KIR2DL4: variants seen among roughly 807,000 people sequenced by gnomAD.
KIR2DL4 encodes killer cell immunoglobulin like receptor, two Ig domains and long cytoplasmic tail 4, also known as killer cell immunoglobulin-like receptor 2DL4.
KIR2DL4 carries 41 observed loss-of-function variants against 31.0 expected under a neutral mutation model. The ratio of observed to expected loss-of-function variants is 1.32; its 90% CI spans 1.03 to 1.72. The LOEUF (loss-of-function observed/expected upper bound fraction) is 1.72. Ranked by LOEUF, KIR2DL4 falls within the 40% of genes most tolerant of loss-of-function variation. The pLI is 0.00. For synonymous variants in KIR2DL4, 164 were observed against 133.6 expected (o/e 1.23, Z -1.57); for missense variants, 438 against 353.7 (o/e 1.24, Z -1.91).
In KIR2DL4 at chr19:54,806,641, G is replaced by C. The variant is rs1424166940; in HGVS notation, c.655+397G>C. Among the ~76,000 whole-genome samples, 15 of 151,132 alleles carry C rather than the reference G, an allele frequency of 9.9e-5. 1 individual carries two copies. The highest frequency in any genetic ancestry group is 1.5e-5 in the Non-Finnish European group (1 of 67,922). On this transcript the variant is annotated intron_variant, in intron 4 of 7. Transcript: ENST00000359085. ...ACTTTTTCTTTTCCTTTGAAAAAAT[G>C]CTGATTGAGGTTAAATATACCTATA...
intron 3 of KIR2DL4, 45 bp from the exon 4 acceptor site, chr19:54,805,906 G>A: frequency 6.5e-7 from 1 of 1,534,322 alleles, no homozygotes; most frequent in Non-Finnish European, 8.8e-7. Flanking sequence ...GGGGAGCTGT[G>A]ACAAGGAAGA....
chr19:54,803,790 G>A (rs2060322559), intron 1 of KIR2DL4, 99 bp downstream of exon 1: 2 of 1,564,986 alleles, frequency 1.3e-6, no homozygotes, highest in African/African-American at 1.4e-5. Context: ...AGTGAGTGGT[G>A]AGGATGAGTT....
chr19:54,808,380 G>A (rs1936307443), intron 4 of KIR2DL4, among the ~76,000 whole-genome samples: 4 of 151,336 alleles, frequency 2.6e-5, no homozygotes, highest in Non-Finnish European at 4.4e-5. Flanking sequence ...TTTTGTGTAT[G>A]GTGAGAGGTA....
chr19:54,804,156 C>T lies in KIR2DL4; in HGVS notation c.76+230C>T, dbSNP rs891100233. 1.4e-4 allele frequency among the ~76,000 whole-genome samples: 21 copies of T among 150,120 alleles called. 1 individual carries two copies. Among genetic ancestry groups the T allele is most frequent in the African/African-American group, 5.2e-4 (21 of 40,464 alleles). On this transcript the variant is annotated intron_variant, in intron 2 of 7. Coordinates refer to ENST00000359085, the Ensembl canonical transcript of KIR2DL4. ...TAGTAAGAGGAGATCCTGGTATGCT[C>T]AGCCCTCTGTTTTGTCTTAGCCCTC...
chr19:54,807,520 C>T (rs2060599606), intron 4 of KIR2DL4, among the ~76,000 whole-genome samples: 1 of 150,962 alleles, frequency 6.6e-6, no homozygotes, highest in Admixed American at 6.6e-5. Flanking sequence ...TCACTGCAAC[C>T]TCTACCTCCA....
Position 54,804,909 on chromosome 19 carries a change from A to G in KIR2DL4, c.193A>G (p.Lys65Glu), listed in dbSNP as rs1433721372. 4.3e-6 allele frequency: 7 copies of G among 1,611,878 alleles called. No homozygotes were observed. The Admixed American group carries it at 5.0e-5, about 12-fold the overall frequency. ...GTTTAACATCTTCACGCTGTACAAGAAAGATGGGGTCCCTGTCCCTGAGCT... is the reference window on the plus strand; with the variant it reads ...GTTTAACATCTTCACGCTGTACAAGGAAGATGGGGTCCCTGTCCCTGAGCT... The change falls in exon 3 of 8, where the codon AAA (lysine) becomes GAA (glutamate). Residue 65 changes from lysine (K) to glutamate (E), a missense_variant. Coordinates refer to ENST00000359085, the Ensembl canonical transcript of KIR2DL4.
chr19:54,806,214 C>T (rs1051456), exon 4 of KIR2DL4: 3 of 1,607,124 alleles, frequency 1.9e-6, no homozygotes, highest in African/African-American at 2.7e-5. Flanking sequence ...GTGGTCAGAC[C>T]CGAGTGACCC....
intron 2 of KIR2DL4, among the ~76,000 whole-genome samples, chr19:54,804,377 T>C (rs1246209181): frequency 6.6e-6 from 1 of 151,338 alleles, no homozygotes; most frequent in Non-Finnish European, 1.5e-5. Context: ...CGGTAGGGGC[T>C]GCAGTGTGGC....
intron 5 of KIR2DL4, among the ~76,000 whole-genome samples, chr19:54,811,354 C>G (rs748117006): frequency 6.6e-6 from 1 of 151,050 alleles, no homozygotes; most frequent in South Asian, 2.1e-4. Context: ...GCCAAGATCG[C>G]GTCATTGCAC....
rs1338389023 is a variant in KIR2DL4, at chr19:54,813,756, G to T, written c.*41+14G>T. 2 of 1,611,446 alleles carry T rather than the reference G, an allele frequency of 1.2e-6. No homozygotes were observed. Among genetic ancestry groups the T allele is most frequent in the Non-Finnish European group, 1.7e-6 (2 of 1,179,420 alleles). ...GTGAACAGGGAGGTAGGTCCTCCTA[G>T]CCCAGCCTCATGGATACAGTCTTAT... is the stretch of plus-strand genomic sequence containing the variant. On this transcript the variant is annotated intron_variant, in intron 7 of 7. Coordinates refer to ENST00000359085, the Ensembl canonical transcript of KIR2DL4.
chr19:54,804,006 C>A, intron 2 of KIR2DL4, 80 bp downstream of exon 2: 1 of 1,315,632 alleles, frequency 7.6e-7, no homozygotes, highest in Non-Finnish European at 1.1e-6. Flanking sequence ...GGAGGCAGCA[C>A]AGAGGGTGGG....
intron 3 of KIR2DL4, 61 bp downstream of exon 3, chr19:54,805,138 TG>T: frequency 6.7e-7 from 1 of 1,493,770 alleles, no homozygotes; most frequent in Non-Finnish European, 8.9e-7. Flanking sequence ...GAGCTTCTGG[TG>T]GGGGTGTCCA....
At chr19:54,813,016 G>T in intron 5 of KIR2DL4, 2 of 762,720 alleles carry the variant, frequency 2.6e-6, no homozygotes, top group Non-Finnish European at 4.1e-6. Context: ...GTGGGTGCTT[G>T]TCTTAAAGAG....
chr19:54,814,380 A>ACGTGCTGTTCCACCTTCCCT, exon 8 of KIR2DL4: 1 of 483,542 alleles, frequency 2.1e-6, no homozygotes, highest in Admixed American at 3.6e-5. Flanking sequence ...GCACTTAGAC[A>ACGTGCTGTTCCACCTTCCCT]CGTGCTGTTC....
chr19:54,810,689 A>T (rs608368), intron 5 of KIR2DL4, among the ~76,000 whole-genome samples: 124,573 of 150,580 alleles, frequency 0.83, 52,108 homozygotes, highest in East Asian at 0.94. Flanking sequence ...CAGAGAGCAC[A>T]CTGGGTACAC....
rs145370691 is a variant in KIR2DL4 at position 54,810,298 on chromosome 19, A to ATT, written c.706+1423_706+1424dup. Among the ~76,000 whole-genome samples the ATT allele has an allele frequency of 6.7e-5, 10 of 148,320 alleles. 1 individual carries two copies. Among genetic ancestry groups the ATT allele is most frequent in the Non-Finnish European group, 1.2e-4 (8 of 67,184 alleles). On this transcript the variant is annotated intron_variant, in intron 5 of 7. Coordinates refer to ENST00000359085, the Ensembl canonical transcript of KIR2DL4. ...CACGCCTGGCTAATTTTTTTTTGGTATTTTTTTTTAGTACAGACAAGGTTT... is the reference window on the plus strand; with the variant it reads ...CACGCCTGGCTAATTTTTTTTTGGTATTTTTTTTTTTAGTACAGACAAGGTTT...
At chr19:54,806,730 G>A (rs376403025) in intron 4 of KIR2DL4, among the ~76,000 whole-genome samples, 1 of 150,722 alleles carries the variant, frequency 6.6e-6, no homozygotes, top group Non-Finnish European at 1.5e-5. Context: ...TTTATATGCT[G>A]TGTGCGGTGG....
intron 7 of KIR2DL4, 40 bp from the exon 7 acceptor site, chr19:54,813,802 T>C (rs2061029969): frequency 1.2e-6 from 2 of 1,611,722 alleles, no homozygotes; most frequent in Non-Finnish European, 8.5e-7. Flanking sequence ...TCCTGAAAAA[T>C]GTGAACACCC....
intron 6 of KIR2DL4, chr19:54,813,404 C>T (rs2060995502): frequency 7.5e-6 from 7 of 930,982 alleles, no homozygotes; most frequent in African/African-American, 1.8e-5. Context: ...GCTCACAGAC[C>T]GTTGCCTGAT....
Sources: allele counts gnomAD v4.1 joint callset (sites outside exome capture counted in the v4.1 genomes callset), GRCh38; gene constraint gnomAD v4.1.1; transcripts MANE v1.5; gene names NCBI Gene and HGNC (gene_info 2026-07-23, HGNC 2026-07-21).